LRP1B: variants seen among roughly 807,000 people sequenced by gnomAD.
LRP1B encodes the protein low-density lipoprotein receptor-related protein 1B.
A neutral mutation model predicts 556.6 loss-of-function variants in LRP1B; 217 were observed. The observed-to-expected ratio is 0.39, with a 90% CI of 0.35 to 0.44. The LOEUF is 0.44. Among genes scored for constraint, LRP1B ranks in the 20% least tolerant of loss-of-function variants. The pLI, the probability that LRP1B is intolerant of heterozygous loss-of-function variation, is 1.00. For synonymous variants in LRP1B, 2,047 were observed against 1,865.8 expected (o/e 1.10, Z -2.50); for missense variants, 5,053 against 5,620.8 (o/e 0.90, Z 3.23).
chr2:142,061,903 C>A (rs572343832), intron 1 of LRP1B, among the ~76,000 whole-genome samples: 41 of 151,908 alleles, frequency 2.7e-4, no homozygotes, highest in African/African-American at 9.9e-4. Context: ...TTATGAAATT[C>A]CTCCCTATCT....
chr2:140,500,257 A>G (rs1177167772), intron 55 of LRP1B, among the ~76,000 whole-genome samples: 1 of 151,926 alleles, frequency 6.6e-6, no homozygotes, highest in Non-Finnish European at 1.5e-5. Context: ...GGAATTTATT[A>G]TTGTGGTTCT....
At chr2:140,552,510 C>A (rs1390443271) in intron 43 of LRP1B, among the ~76,000 whole-genome samples, 1 of 152,108 alleles carries the variant, frequency 6.6e-6, no homozygotes, top group Non-Finnish European at 1.5e-5. Flanking sequence ...GAGCTAACTC[C>A]TGCCATCTCG....
At chr2:141,911,813 G>A (rs1699913605) in intron 1 of LRP1B, among the ~76,000 whole-genome samples, 1 of 150,582 alleles carries the variant, frequency 6.6e-6, no homozygotes, top group African/African-American at 2.4e-5. Context: ...GCAGTCTCAT[G>A]CTGTGAGGGA....
At chr2:141,913,688 T>C (rs1699962199) in intron 1 of LRP1B, among the ~76,000 whole-genome samples, 1 of 152,086 alleles carries the variant, frequency 6.6e-6, no homozygotes, top group East Asian at 1.9e-4. Flanking sequence ...CCATTGAGAA[T>C]GAACTACTAA....
At chr2:140,445,223 C>A (rs900323708) in intron 63 of LRP1B, among the ~76,000 whole-genome samples, 1 of 152,060 alleles carries the variant, frequency 6.6e-6, no homozygotes, top group Non-Finnish European at 1.5e-5. Flanking sequence ...CCAAGCAATT[C>A]TACTGCCTCA....
At chr2:140,793,742 A>G (rs1690202915) in intron 32 of LRP1B, among the ~76,000 whole-genome samples, 1 of 152,056 alleles carries the variant, frequency 6.6e-6, no homozygotes, top group African/African-American at 2.4e-5. Context: ...GCCTATTTCA[A>G]TAATCATTTA....
chr2:141,956,547 TA>T (rs1435101184), intron 1 of LRP1B, among the ~76,000 whole-genome samples: 3 of 152,120 alleles, frequency 2.0e-5, no homozygotes, highest in African/African-American at 7.2e-5. Flanking sequence ...TTCACTGTAA[TA>T]AAATGCTACC....
At chr2:141,319,308 TTG>T (rs1491118513) in intron 3 of LRP1B, among the ~76,000 whole-genome samples, 7 of 32,808 alleles carry the variant, frequency 2.1e-4, no homozygotes, top group South Asian at 7.9e-4. Context: ...TGTTTTTTTG[TTG>T]TTTTTTTTTT....
intron 2 of LRP1B, among the ~76,000 whole-genome samples, chr2:141,613,320 C>A (rs112742020): frequency 6.6e-6 from 1 of 152,136 alleles, no homozygotes; most frequent in Non-Finnish European, 1.5e-5. Context: ...ACTGGGACCT[C>A]TAGAAAGTGA....
At chr2:141,333,889 T>G (rs1687749960) in intron 3 of LRP1B, among the ~76,000 whole-genome samples, 4 of 152,158 alleles carry the variant, frequency 2.6e-5, no homozygotes, top group Admixed American at 2.0e-4. Flanking sequence ...ATGATATGAG[T>G]GTATCAGTGT....
At chr2:141,246,297 T>TA (rs1233880725) in intron 5 of LRP1B, among the ~76,000 whole-genome samples, 1 of 151,972 alleles carries the variant, frequency 6.6e-6, no homozygotes, top group Non-Finnish European at 1.5e-5. Flanking sequence ...TAGAGGCAGA[T>TA]AAAAAGGCAA....
chr2:141,367,180 A>G (rs1233610269), intron 3 of LRP1B, among the ~76,000 whole-genome samples: 3 of 152,232 alleles, frequency 2.0e-5, no homozygotes, highest in African/African-American at 7.2e-5. Flanking sequence ...CAACTTCCTT[A>G]TTTATAGTTA....
intron 66 of LRP1B, among the ~76,000 whole-genome samples, chr2:140,422,628 T>C (rs779231539): frequency 8.5e-5 from 13 of 152,188 alleles, no homozygotes; most frequent in Non-Finnish European, 1.8e-4. Flanking sequence ...AGGATTTTTA[T>C]ACAAAGGATA....
At chr2:141,826,399 C>T (rs564780322) in intron 1 of LRP1B, among the ~76,000 whole-genome samples, 1 of 143,740 alleles carries the variant, frequency 7.0e-6, no homozygotes, top group African/African-American at 2.6e-5. Context: ...TCGCTCTGTC[C>T]CCCAGGCTGG....
chr2:141,218,480 C>T (rs1006645883), intron 6 of LRP1B, among the ~76,000 whole-genome samples: 3 of 152,106 alleles, frequency 2.0e-5, no homozygotes, highest in African/African-American at 7.2e-5. Context: ...ATGTCCTTTG[C>T]AGCGACATGT....
chr2:140,456,750 AT>A, intron 61 of LRP1B, 147 bp from the exon 62 acceptor site: 1 of 535,176 alleles, frequency 1.9e-6, no homozygotes, highest in Non-Finnish European at 2.9e-6. Context: ...TATAAATATA[AT>A]TTTACTTTGT....
intron 84 of LRP1B, among the ~76,000 whole-genome samples, chr2:140,277,458 G>C (rs1682723651): frequency 6.6e-6 from 1 of 151,644 alleles, no homozygotes; most frequent in Non-Finnish European, 1.5e-5. Flanking sequence ...GTGGTGGTGG[G>C]CACCTGTAAT....
chr2:140,346,376 T>C (rs538508443), intron 77 of LRP1B, among the ~76,000 whole-genome samples: 1 of 151,956 alleles, frequency 6.6e-6, no homozygotes, highest in African/African-American at 2.4e-5. Context: ...CTCTTTGACT[T>C]GTTTAGTAAA....
chr2:141,693,351 G>C (rs1210738841), intron 2 of LRP1B, among the ~76,000 whole-genome samples: 1 of 151,868 alleles, frequency 6.6e-6, no homozygotes, highest in African/African-American at 2.4e-5. Context: ...TGCTGTAATT[G>C]GGCATCTCCG....
Sources: allele counts gnomAD v4.1 joint callset (sites outside exome capture counted in the v4.1 genomes callset), GRCh38; gene constraint gnomAD v4.1.1; transcripts MANE v1.5; gene names NCBI Gene and HGNC (gene_info 2026-07-23, HGNC 2026-07-21).